The following FRMD5 variants were observed in gnomAD, a reference collection of about 807,000 sequenced individuals.
The protein encoded by FRMD5 is FERM domain-containing protein 5.
In FRMD5, 20 loss-of-function variants were observed where a neutral mutation model predicts 69.0. The observed-to-expected ratio is 0.29, with a 90% confidence interval of 0.20 to 0.42. The LOEUF (loss-of-function observed/expected upper bound fraction) is 0.42. FRMD5 is among the 10% of genes least tolerant of loss of function. FRMD5 has a pLI of 1.00. For synonymous variants in FRMD5, 271 were observed against 260.1 expected, an observed-to-expected ratio of 1.04 and a Z score of -0.40; for missense variants, 595 against 708.6, an observed-to-expected ratio of 0.84 and a Z score of 1.82.
intron 1 of FRMD5, among the ~76,000 whole-genome samples, chr15:44,169,063 T>C (rs1413068051): frequency 6.6e-6 from 1 of 152,228 alleles, no homozygotes; most frequent in Admixed American, 6.5e-5. Context: ...ATGAACCAAC[T>C]TCAATTTTAT....
In FRMD5 at chr15:44,195,254, G is replaced by A; in HGVS notation, c.-200C>T. 1.9e-6 allele frequency: 1 copy of A among 531,100 alleles called. No individual in the cohort carries two copies. The highest frequency in any genetic ancestry group is 3.3e-6 in the Non-Finnish European group (1 of 303,638). The allele number at this position is 531,100 out of a possible 1,614,324, so 32.9% of individuals were successfully genotyped here. ...GCCGCCACCGCCTCCCCCCAGCCCA[G>A]ATCAAGCGCCGGGCTCTGTCTCCTC... On this transcript the variant is annotated 5_prime_UTR_variant, in exon 1 of 14. Transcript: ENST00000417257.
At chr15:43,886,891 T>G (rs2088676135) in intron 10 of FRMD5, among the ~76,000 whole-genome samples, 1 of 152,068 alleles carries the variant, frequency 6.6e-6, no homozygotes, top group Non-Finnish European at 1.5e-5. Context: ...TACCGTTTGA[T>G]GAGAACATTA....
At chr15:44,112,351 CTTATA>C (rs2076808692) in intron 1 of FRMD5, among the ~76,000 whole-genome samples, 1 of 152,084 alleles carries the variant, frequency 6.6e-6, no homozygotes, top group Non-Finnish European at 1.5e-5. Context: ...TTAAGAACTC[CTTATA>C]TTATTTGTGT....
At chr15:43,877,593 G>A in intron 13 of FRMD5, among the ~76,000 whole-genome samples, 1 of 152,226 alleles carries the variant, frequency 6.6e-6, no homozygotes, top group Non-Finnish European at 1.5e-5. Flanking sequence ...GGGGGCAAAG[G>A]CAGGGCACCT....
intron 1 of FRMD5, among the ~76,000 whole-genome samples, chr15:43,933,694 A>G (rs2089712814): frequency 6.6e-6 from 1 of 152,244 alleles, no homozygotes; most frequent in Non-Finnish European, 1.5e-5. Flanking sequence ...TGAGTTAAAT[A>G]TTACAGAGAA....
At chr15:44,096,400 T>A (rs966111389) in intron 1 of FRMD5, among the ~76,000 whole-genome samples, 1 of 148,998 alleles carries the variant, frequency 6.7e-6, no homozygotes. Context: ...TAGTACGGTG[T>A]ATCTTTTTTT....
chr15:43,976,110 T>C (rs1267379825), intron 1 of FRMD5, among the ~76,000 whole-genome samples: 1 of 131,048 alleles, frequency 7.6e-6, no homozygotes, highest in African/African-American at 3.9e-5. Context: ...CCTTGTTCCA[T>C]ATATTAAAAA....
intron 1 of FRMD5, among the ~76,000 whole-genome samples, chr15:44,010,363 G>C (rs543712219): frequency 1.3e-5 from 2 of 151,526 alleles, no homozygotes; most frequent in South Asian, 4.2e-4. Context: ...CAGAGATGAA[G>C]CCTTCCAAGA....
intron 1 of FRMD5, among the ~76,000 whole-genome samples, chr15:44,129,892 C>A (rs780422808): frequency 1.3e-5 from 2 of 152,160 alleles, no homozygotes; most frequent in Non-Finnish European, 2.9e-5. Context: ...TGGCAAGGAA[C>A]AAATGAGCCC....
chr15:43,961,673 G>A (rs1351475421), intron 1 of FRMD5, among the ~76,000 whole-genome samples: 3 of 152,146 alleles, frequency 2.0e-5, no homozygotes, highest in Non-Finnish European at 4.4e-5. Flanking sequence ...CTGGCAAACC[G>A]AATCCAGCAT....
At chr15:44,145,948 C>T (rs940744150) in intron 1 of FRMD5, among the ~76,000 whole-genome samples, 2 of 152,110 alleles carry the variant, frequency 1.3e-5, no homozygotes, top group African/African-American at 4.8e-5. Flanking sequence ...TATTAACATG[C>T]AGAAATTTAA....
At chr15:43,937,508 C>T (rs1202904960) in intron 1 of FRMD5, among the ~76,000 whole-genome samples, 11 of 152,050 alleles carry the variant, frequency 7.2e-5, no homozygotes, top group East Asian at 1.9e-4. Flanking sequence ...CGTGATGGTA[C>T]GTGCCTGTAA....
chr15:44,026,228 G>A (rs767174315), intron 1 of FRMD5, among the ~76,000 whole-genome samples: 3 of 152,166 alleles, frequency 2.0e-5, no homozygotes, highest in African/African-American at 7.2e-5. Context: ...TGATCCACCC[G>A]CCTTGGCCTC....
At chr15:44,184,172 G>GT (rs1291037283) in intron 1 of FRMD5, among the ~76,000 whole-genome samples, 1 of 152,048 alleles carries the variant, frequency 6.6e-6, no homozygotes. Flanking sequence ...GCTGTCTAAA[G>GT]TAAGGCTTTA....
chr15:44,049,312 A>G (rs1892559606), intron 1 of FRMD5, among the ~76,000 whole-genome samples: 1 of 152,192 alleles, frequency 6.6e-6, no homozygotes, highest in South Asian at 2.1e-4. Context: ...CAATACTTCC[A>G]CAAGCTTCAA....
intron 1 of FRMD5, among the ~76,000 whole-genome samples, chr15:44,065,545 G>A (rs1893273623): frequency 6.6e-6 from 1 of 152,142 alleles, no homozygotes; most frequent in African/African-American, 2.4e-5. Flanking sequence ...ATATGATGGA[G>A]GTTGAGTACG....
At chr15:43,911,773 T>C (rs573226635) in intron 4 of FRMD5, among the ~76,000 whole-genome samples, 1 of 152,338 alleles carries the variant, frequency 6.6e-6, no homozygotes, top group African/African-American at 2.4e-5. Context: ...AGTTGGAGGT[T>C]TCCATTGTTT....
In FRMD5 at chr15:44,195,025, G is replaced by A; in HGVS notation, c.30C>T (p.Ser10=). The A allele has an allele frequency of 1.3e-6, 2 of 1,554,638 alleles. No homozygotes were observed. Among genetic ancestry groups the A allele is most frequent in the Non-Finnish European group, 8.7e-7 (1 of 1,155,226 alleles). The change falls in exon 1 of 14, where the codon AGC becomes AGT. Residue 10 remains serine (S), a synonymous_variant. Coordinates refer to ENST00000417257, the MANE Select transcript of FRMD5 (RefSeq NM_032892.5). MLSRLMSGS[S]RSLEREYSCT... Reference sequence around the variant, plus strand: ...AGCTGTACTCGCGCTCCAGGCTCCTGCTGCTGCCGCTCATCAACCTGCTCA... The same window carrying A: ...AGCTGTACTCGCGCTCCAGGCTCCTACTGCTGCCGCTCATCAACCTGCTCA...
chr15:43,944,311 A>C (rs1306017117), intron 1 of FRMD5, among the ~76,000 whole-genome samples: 1 of 152,246 alleles, frequency 6.6e-6, no homozygotes, highest in Non-Finnish European at 1.5e-5. Flanking sequence ...GAAAGCCACC[A>C]GTTCCATTCC....
Sources: allele counts gnomAD v4.1 joint callset (sites outside exome capture counted in the v4.1 genomes callset), GRCh38; gene constraint gnomAD v4.1.1; transcripts MANE v1.5; gene names NCBI Gene and HGNC (gene_info 2026-07-23, HGNC 2026-07-21).